Variants in PTN observed in about 807,000 individuals in gnomAD.
PTN encodes heparin affin regulatory protein.
Under a neutral mutation model 24.1 loss-of-function variants are expected in PTN, and 18 were observed. That is an observed-to-expected ratio of 0.75 (90% CI 0.52 to 1.11). PTN has a LOEUF of 1.11. PTN is among the 50% of genes least tolerant of loss of function. PTN has a pLI of 0.00. For missense variants in PTN, 163 were observed against 198.8 expected (o/e 0.82, Z 1.08); for synonymous variants, 78 against 68.6 (o/e 1.14, Z -0.67).
chr7:137,267,480 G>T (rs1303615951), intron 1 of PTN, among the ~76,000 whole-genome samples: 1 of 152,140 alleles, frequency 6.6e-6, no homozygotes, highest in Non-Finnish European at 1.5e-5. Context: ...GTTACCTTGT[G>T]CCATACCTCT....
At chr7:137,311,366 G>A (rs972796421) in intron 1 of PTN, among the ~76,000 whole-genome samples, 2 of 152,080 alleles carry the variant, frequency 1.3e-5, no homozygotes, top group Admixed American at 6.6e-5. Context: ...CAACAATGAG[G>A]TTATTTTGCT....
intron 1 of PTN, among the ~76,000 whole-genome samples, chr7:137,264,962 T>G (rs1034321747): frequency 1.4e-5 from 2 of 148,110 alleles, no homozygotes; most frequent in East Asian, 4.0e-4. Flanking sequence ...GGGTTAAAAC[T>G]CCAACTGCCA....
At chr7:137,313,024 G>A (rs375117388) in intron 1 of PTN, among the ~76,000 whole-genome samples, 1 of 151,858 alleles carries the variant, frequency 6.6e-6, no homozygotes, top group Non-Finnish European at 1.5e-5. Flanking sequence ...ATACTTCTAG[G>A]TACTTCCTAC....
intron 1 of PTN, among the ~76,000 whole-genome samples, chr7:137,276,844 T>C (rs1391294950): frequency 6.6e-6 from 1 of 152,182 alleles, no homozygotes; most frequent in African/African-American, 2.4e-5. Flanking sequence ...AGTTTGATTG[T>C]GTCTGAAAAG....
chr7:137,330,020 C>T lies in PTN; in HGVS notation c.-2+13419G>A, dbSNP rs767447663. On this transcript the variant is annotated intron_variant, in intron 1 of 4. Coordinates refer to ENST00000348225, the MANE Select transcript of PTN (RefSeq NM_002825.7). ...AATGCCAGTTGGTCGGGTGCAGTGGCTCACACCTGTAATCCCAGCACTTTG... is the reference window on the plus strand; with the variant it reads ...AATGCCAGTTGGTCGGGTGCAGTGGTTCACACCTGTAATCCCAGCACTTTG... Among the ~76,000 whole-genome samples, 7 of 152,160 alleles carry T rather than the reference C, an allele frequency of 4.6e-5. No individual in the cohort carries two copies. The South Asian group carries it at 6.2e-4, about 13-fold the overall frequency.
chr7:137,323,266 T>C (rs1405159776), intron 1 of PTN, among the ~76,000 whole-genome samples: 1 of 152,202 alleles, frequency 6.6e-6, no homozygotes, highest in Non-Finnish European at 1.5e-5. Flanking sequence ...AGGGATGTGA[T>C]GGGTCACCAA....
chr7:137,327,728 C>T (rs1374946816), intron 1 of PTN, among the ~76,000 whole-genome samples: 2 of 152,134 alleles, frequency 1.3e-5, no homozygotes, highest in Non-Finnish European at 2.9e-5. Flanking sequence ...ACCACTAAAC[C>T]ACTCTTTTAT....
intron 1 of PTN, among the ~76,000 whole-genome samples, chr7:137,276,772 T>C (rs1809366638): frequency 6.6e-6 from 1 of 151,956 alleles, no homozygotes; most frequent in African/African-American, 2.4e-5. Flanking sequence ...CACAGAGAAC[T>C]TGCTTCACAA....
intron 1 of PTN, among the ~76,000 whole-genome samples, chr7:137,289,265 C>G (rs1254142391): frequency 6.6e-6 from 1 of 152,088 alleles, no homozygotes; most frequent in Non-Finnish European, 1.5e-5. Flanking sequence ...CTCTCAGCAC[C>G]CTAGCACTTT....
chr7:137,302,301 G>A (rs557606218), intron 1 of PTN, among the ~76,000 whole-genome samples: 16 of 152,062 alleles, frequency 1.1e-4, no homozygotes, highest in African/African-American at 3.4e-4. Flanking sequence ...CAGAGGCAAC[G>A]TACCATGTCC....
At chr7:137,265,666 T>C (rs1191830769) in intron 1 of PTN, among the ~76,000 whole-genome samples, 1 of 152,210 alleles carries the variant, frequency 6.6e-6, no homozygotes, top group Non-Finnish European at 1.5e-5. Flanking sequence ...ACAGCTACCA[T>C]GCAGCCCACG....
chr7:137,251,367 G>C lies in PTN; in HGVS notation c.314C>G (p.Ala105Gly), dbSNP rs1370907027. The C allele has an allele frequency of 5.6e-6, 9 of 1,614,038 alleles. No individual in the cohort carries two copies. Among genetic ancestry groups the C allele is most frequent in the Non-Finnish European group, 7.6e-6 (9 of 1,179,988 alleles). The change falls in exon 4 of 5, where the codon GCC becomes GGC. Residue 105 changes from alanine (A) to glycine (G), a missense_variant. Ala to Gly is a moderately conservative substitution (Grantham distance 60). Coordinates refer to ENST00000348225, the MANE Select transcript of PTN (RefSeq NM_002825.7). ...FGAECKYQFQAWGECDLNTAL... is the reference protein window; with the variant it reads ...FGAECKYQFQGWGECDLNTAL... The stretch of plus-strand genomic sequence containing the variant: ...TGTGTTCAGGTCACATTCTCCCCAG[G>C]CCTGGAACTGGTATTTGCACTCCGC...
At chr7:137,235,231 C>T (rs531947391) in intron 4 of PTN, among the ~76,000 whole-genome samples, 5 of 152,116 alleles carry the variant, frequency 3.3e-5, no homozygotes, top group South Asian at 2.1e-4. Flanking sequence ...CTTTGTGAAC[C>T]GATTTAAAGT....
At chr7:137,299,216 T>C (rs561691945) in intron 1 of PTN, among the ~76,000 whole-genome samples, 37 of 151,986 alleles carry the variant, frequency 2.4e-4, no homozygotes, top group Admixed American at 7.9e-4. Flanking sequence ...CTAAAATGAA[T>C]GTTGTCTAAC....
At chr7:137,250,407 T>A (rs1253485759) in intron 4 of PTN, among the ~76,000 whole-genome samples, 1 of 152,208 alleles carries the variant, frequency 6.6e-6, no homozygotes, top group Non-Finnish European at 1.5e-5. Context: ...TCCCTTCTTA[T>A]AAACACACCA....
chr7:137,262,658 A>G (rs1023483365), intron 1 of PTN, among the ~76,000 whole-genome samples: 1 of 151,960 alleles, frequency 6.6e-6, no homozygotes, highest in Non-Finnish European at 1.5e-5. Flanking sequence ...AGGGCTAACA[A>G]CCCTAAGGGG....
intron 1 of PTN, among the ~76,000 whole-genome samples, chr7:137,279,047 A>G (rs1302942004): frequency 1.3e-5 from 2 of 151,200 alleles, no homozygotes; most frequent in African/African-American, 2.4e-5. Context: ...AGAAATTCAC[A>G]TGAGTAGAAA....
At chr7:137,335,029 T>A (rs1184683178) in intron 1 of PTN, among the ~76,000 whole-genome samples, 3 of 112,126 alleles carry the variant, frequency 2.7e-5, no homozygotes, top group African/African-American at 1.1e-4. Context: ...AACATCACAC[T>A]CTGGGGACTG....
intron 1 of PTN, among the ~76,000 whole-genome samples, chr7:137,276,131 C>A (rs796660874): frequency 2.6e-5 from 4 of 152,284 alleles, no homozygotes; most frequent in African/African-American, 9.6e-5. Context: ...CAAGCCCCAA[C>A]TCAAAGAAAA....
Sources: gnomAD v4.1 joint callset for allele counts (sites outside exome capture counted in the v4.1 genomes callset) on GRCh38, gnomAD v4.1.1 for gene constraint, MANE v1.5 for transcripts, NCBI Gene and HGNC (gene_info 2026-07-23, HGNC 2026-07-21) for gene names.